PIGK: variants seen among roughly 807,000 people sequenced by gnomAD.
PIGK encodes GPI-anchor transamidase.
In PIGK, 42 loss-of-function variants were observed where a neutral mutation model predicts 50.6. The ratio of observed to expected loss-of-function variants is 0.83; its 90% CI spans 0.65 to 1.07. PIGK has a LOEUF of 1.07. PIGK is among the 50% of genes least tolerant of loss of function. The pLI is 0.00. For synonymous variants in PIGK, 151 were observed against 156.0 expected (o/e 0.97, Z 0.24); for missense variants, 448 against 488.7 (o/e 0.92, Z 0.78).
intron 10 of PIGK, among the ~76,000 whole-genome samples, chr1:77,110,044 A>C (rs1653800340): frequency 6.6e-6 from 1 of 152,152 alleles, no homozygotes; most frequent in Admixed American, 6.5e-5. Context: ...CTAGAAATCC[A>C]GCTTACAAGG....
At chr1:77,187,514 G>A (rs1405874944) in intron 3 of PIGK, among the ~76,000 whole-genome samples, 1 of 152,136 alleles carries the variant, frequency 6.6e-6, no homozygotes, top group Non-Finnish European at 1.5e-5. Context: ...TGGACACTTT[G>A]GGCTCCTCCT....
At chr1:77,119,038 C>G (rs1039811171) in intron 10 of PIGK, among the ~76,000 whole-genome samples, 6 of 152,144 alleles carry the variant, frequency 3.9e-5, no homozygotes, top group Admixed American at 3.3e-4. Flanking sequence ...ATCCTCTTGT[C>G]TATTCCTTTG....
At position 77,122,370 on chromosome 1, in the gene PIGK, T is replaced by C. The variant is rs1654120700; in HGVS notation, c.987-11A>G. On this transcript the variant is annotated splice_polypyrimidine_tract_variant and intron_variant, in intron 9 of 10. Transcript: ENST00000370812. Reference sequence around the variant, plus strand: ...TGGTCTTCCTTATAGCTGGAAAAGATAATTTAAAAACACAGAGCTAAGGCA... The same window carrying C: ...TGGTCTTCCTTATAGCTGGAAAAGACAATTTAAAAACACAGAGCTAAGGCA... 2 of 1,518,096 alleles carry C rather than the reference T, an allele frequency of 1.3e-6. No homozygotes were observed. The highest frequency in any genetic ancestry group is 1.8e-6 in the Non-Finnish European group (2 of 1,094,770). The allele number at this position is 1,518,096 out of a possible 1,614,324, so 94.0% of individuals were successfully genotyped here. A position where few individuals can be genotyped will look rare whatever the true frequency, so the allele number is the denominator to read the frequency against.
At chr1:77,210,611 T>C (rs1656396957) in intron 1 of PIGK, 122 bp from the exon 2 acceptor site, 1 of 585,258 alleles carries the variant, frequency 1.7e-6, no homozygotes, top group Admixed American at 3.4e-5. Flanking sequence ...CGTAAGTTTA[T>C]GAAGATTCCA....
At chr1:77,112,019 C>A (rs772284170) in intron 10 of PIGK, among the ~76,000 whole-genome samples, 1 of 151,856 alleles carries the variant, frequency 6.6e-6, no homozygotes, top group Non-Finnish European at 1.5e-5. Flanking sequence ...ATAAAATAGT[C>A]TTTTAAAGGA....
chr1:77,094,916 C>A (rs575918106), intron 10 of PIGK, among the ~76,000 whole-genome samples: 4 of 152,142 alleles, frequency 2.6e-5, no homozygotes, highest in Admixed American at 2.0e-4. Flanking sequence ...TCTCCAACAG[C>A]AAACTTTAAA....
intron 10 of PIGK, among the ~76,000 whole-genome samples, chr1:77,117,340 T>A (rs553916098): frequency 1.3e-5 from 2 of 152,350 alleles, no homozygotes; most frequent in South Asian, 4.1e-4. Context: ...TATTTTATGA[T>A]ACTTAAACCA....
At chr1:77,177,100 T>TGAA (rs1655504359) in intron 3 of PIGK, among the ~76,000 whole-genome samples, 1 of 152,198 alleles carries the variant, frequency 6.6e-6, no homozygotes, top group Admixed American at 6.5e-5. Flanking sequence ...CAATGCATGT[T>TGAA]TTCTGGTTGT....
At chr1:77,213,201 A>T (rs1056307244) in intron 1 of PIGK, among the ~76,000 whole-genome samples, 2 of 152,250 alleles carry the variant, frequency 1.3e-5, no homozygotes, top group African/African-American at 4.8e-5. Flanking sequence ...CTGGGATTAC[A>T]GGCAAACAGA....
intron 9 of PIGK, among the ~76,000 whole-genome samples, chr1:77,147,262 A>G (rs1033026648): frequency 1.6e-4 from 25 of 152,018 alleles, no homozygotes; most frequent in African/African-American, 6.0e-4. Context: ...TGATTCAATT[A>G]TCTCCCACCG....
chr1:77,133,198 T>C (rs1654418251), intron 9 of PIGK, among the ~76,000 whole-genome samples: 1 of 152,168 alleles, frequency 6.6e-6, no homozygotes, highest in Admixed American at 6.5e-5. Flanking sequence ...GTTTGTTTTT[T>C]CTGTGCTTCA....
At chr1:77,188,289 G>C (rs1486731023) in intron 3 of PIGK, among the ~76,000 whole-genome samples, 1 of 152,146 alleles carries the variant, frequency 6.6e-6, no homozygotes, top group African/African-American at 2.4e-5. Context: ...ACATCCCTGA[G>C]AAAGAGAATA....
intron 9 of PIGK, among the ~76,000 whole-genome samples, chr1:77,127,575 G>A (rs1354375359): frequency 6.6e-6 from 1 of 152,046 alleles, no homozygotes; most frequent in African/African-American, 2.4e-5. Context: ...TCAGGTAGAA[G>A]GCCAAAGCAT....
chr1:77,123,212 A>C (rs1421248254), intron 9 of PIGK, among the ~76,000 whole-genome samples: 2 of 152,198 alleles, frequency 1.3e-5, no homozygotes, highest in African/African-American at 4.8e-5. Context: ...AATAGCAAGT[A>C]AACATTTGAT....
At chr1:77,158,886 A>G (rs1655071068) in intron 8 of PIGK, among the ~76,000 whole-genome samples, 1 of 152,310 alleles carries the variant, frequency 6.6e-6, no homozygotes, top group Admixed American at 6.5e-5. Flanking sequence ...GCATCCTGAC[A>G]ATGCAATAAA....
intron 5 of PIGK, among the ~76,000 whole-genome samples, chr1:77,165,431 G>C (rs912772444): frequency 3.3e-5 from 5 of 151,886 alleles, no homozygotes; most frequent in African/African-American, 1.2e-4. Context: ...CAACACGATA[G>C]AGAAAAGCCA....
intron 3 of PIGK, among the ~76,000 whole-genome samples, chr1:77,173,388 G>C (rs573370724): frequency 6.6e-6 from 1 of 152,130 alleles, no homozygotes; most frequent in South Asian, 2.1e-4. Context: ...ACAACTGGTT[G>C]GGCAGCAACT....
intron 3 of PIGK, among the ~76,000 whole-genome samples, chr1:77,187,063 C>T (rs1479622392): frequency 6.6e-6 from 1 of 152,186 alleles, no homozygotes; most frequent in African/African-American, 2.4e-5. Context: ...CACACATCAT[C>T]ACCTCTGAAC....
chr1:77,154,685 C>A, intron 8 of PIGK, 64 bp from the exon 9 acceptor site: 2 of 997,938 alleles, frequency 2.0e-6, no homozygotes, highest in Non-Finnish European at 3.0e-6. Flanking sequence ...TAAATCCAAT[C>A]ACATAATTCA....
Sources: gnomAD v4.1 joint callset for allele counts (sites outside exome capture counted in the v4.1 genomes callset) on GRCh38, gnomAD v4.1.1 for gene constraint, MANE v1.5 for transcripts, NCBI Gene and HGNC (gene_info 2026-07-23, HGNC 2026-07-21) for gene names.